Variants in OTOG observed in about 807,000 individuals in gnomAD.
OTOG encodes the protein otogelin.
In OTOG, 296 loss-of-function variants were observed where a neutral mutation model predicts 313.8. That is an observed-to-expected ratio of 0.94 (90% CI 0.86 to 1.04). OTOG has a LOEUF of 1.04. Ranked by LOEUF, OTOG falls within the 50% of genes least tolerant of loss-of-function variation. The pLI, the probability that OTOG is intolerant of heterozygous loss-of-function variation, is 0.00. For synonymous variants in OTOG, 1,533 were observed against 1,554.9 expected (o/e 0.99, Z 0.33); for missense variants, 3,948 against 3,840.1 (o/e 1.03, Z -0.74).
intron 3 of OTOG, among the ~76,000 whole-genome samples, chr11:17,549,229 C>G (rs1851880131): frequency 6.6e-6 from 1 of 152,188 alleles, no homozygotes; most frequent in African/African-American, 2.4e-5. Context: ...GCAGCTAGGT[C>G]CCCCAAAGCA....
intron 19 of OTOG, 62 bp from the exon 20 acceptor site, chr11:17,574,658 C>T: frequency 6.9e-7 from 1 of 1,444,484 alleles, no homozygotes; most frequent in Non-Finnish European, 9.4e-7. Flanking sequence ...AATGACAGCC[C>T]CACTCCACAT....
At chr11:17,601,928 G>A (rs1026071425) in intron 31 of OTOG, among the ~76,000 whole-genome samples, 7 of 152,300 alleles carry the variant, frequency 4.6e-5, no homozygotes, top group African/African-American at 7.2e-5. Flanking sequence ...ACAATGGGGG[G>A]CCCAGGTGCT....
In OTOG at chr11:17,625,768, G is replaced by A. The variant is rs769384454; in HGVS notation, c.6529-3365G>A. Among the ~76,000 whole-genome samples the A allele has an allele frequency of 5.9e-5, 9 of 152,048 alleles. 1 individual carries two copies. The highest frequency in any genetic ancestry group is 6.6e-5 in the Admixed American group (1 of 15,264). ...CTATGGGTTGTCTCTTCACTTTGTCGATTGTTTCCTTTGCTGTGCAGAAGC... is the reference window on the plus strand; with the variant it reads ...CTATGGGTTGTCTCTTCACTTTGTCAATTGTTTCCTTTGCTGTGCAGAAGC... On this transcript the variant is annotated intron_variant, in intron 39 of 55. Coordinates refer to ENST00000399397, the MANE Select transcript of OTOG (RefSeq NM_001292063.2).
At chr11:17,638,598 T>C in intron 48 of OTOG, 49 bp downstream of exon 48, 1 of 1,528,348 alleles carries the variant, frequency 6.5e-7, no homozygotes, top group Non-Finnish European at 8.9e-7. Flanking sequence ...CCAGTGGCCC[T>C]GCTGAGGAGG....
At chr11:17,580,011 C>G (rs757444057) in intron 23 of OTOG, among the ~76,000 whole-genome samples, 1 of 152,208 alleles carries the variant, frequency 6.6e-6, no homozygotes, top group African/African-American at 2.4e-5. Flanking sequence ...CTGGAACATC[C>G]TCTTGCTGGG....
intron 6 of OTOG, among the ~76,000 whole-genome samples, chr11:17,553,794 C>T (rs747519933): frequency 6.6e-5 from 10 of 152,200 alleles, no homozygotes; most frequent in Admixed American, 1.3e-4. Context: ...GGTCTGGTGG[C>T]GGGAGGCCCT....
At chr11:17,599,612 G>A in intron 30 of OTOG, 59 bp from the exon 31 acceptor site, 1 of 1,538,028 alleles carries the variant, frequency 6.5e-7, no homozygotes, top group Non-Finnish European at 8.8e-7. Context: ...CCTTGGCTCT[G>A]TCTGTCTGTT....
intron 54 of OTOG, among the ~76,000 whole-genome samples, chr11:17,643,952 G>A (rs911653948): frequency 5.9e-5 from 9 of 152,210 alleles, no homozygotes; most frequent in East Asian, 1.9e-4. Flanking sequence ...TCTCCTCCAC[G>A]GGTTAGTGTC....
intron 54 of OTOG, 39 bp downstream of exon 54, chr11:17,643,545 T>C: frequency 1.7e-6 from 2 of 1,194,736 alleles, no homozygotes; most frequent in Non-Finnish European, 2.2e-6. Flanking sequence ...TGGGGGGCTC[T>C]GATGGGGGCA....
At chr11:17,596,012 T>C (rs570415168) in intron 28 of OTOG, 26 bp from the exon 29 acceptor site, 133 of 1,505,992 alleles carry the variant, frequency 8.8e-5, no homozygotes, top group Admixed American at 2.0e-4. Flanking sequence ...AGTAGGGAGG[T>C]CAACAGCCCT....
chr11:17,618,788 T>C (rs896677047), intron 39 of OTOG, among the ~76,000 whole-genome samples: 3 of 152,232 alleles, frequency 2.0e-5, no homozygotes, highest in Non-Finnish European at 2.9e-5. Flanking sequence ...AACTCTTTTA[T>C]TCTTAGGAAA....
At chr11:17,580,463 G>T (rs1565102070) in intron 23 of OTOG, among the ~76,000 whole-genome samples, 1 of 152,210 alleles carries the variant, frequency 6.6e-6, no homozygotes, top group South Asian at 2.1e-4. Flanking sequence ...TCCCCTACAA[G>T]GTAAAGAGAG....
chr11:17,627,294 T>G (rs1854006718), intron 39 of OTOG, among the ~76,000 whole-genome samples: 1 of 145,242 alleles, frequency 6.9e-6, no homozygotes, highest in African/African-American at 2.7e-5. Context: ...TATGTTCCTT[T>G]TATACTCATT....
intron 47 of OTOG, 63 bp downstream of exon 47, chr11:17,635,774 C>T (rs1854251027): frequency 1.5e-6 from 2 of 1,366,362 alleles, no homozygotes; most frequent in Non-Finnish European, 2.0e-6. Flanking sequence ...GAGTTCCCAC[C>T]CCGGACCAAT....
intron 13 of OTOG, 35 bp from the exon 14 acceptor site, chr11:17,561,056 G>A (rs1216714250): frequency 6.5e-7 from 1 of 1,550,014 alleles, no homozygotes; most frequent in Admixed American, 2.0e-5. Flanking sequence ...GGCCTGGAGG[G>A]GTGACCTCTT....
intron 15 of OTOG, among the ~76,000 whole-genome samples, chr11:17,567,669 C>A (rs1468560480): frequency 6.6e-6 from 1 of 152,162 alleles, no homozygotes; most frequent in Non-Finnish European, 1.5e-5. Flanking sequence ...AACCACTTTG[C>A]CTGATGGGTT....
chr11:17,634,217 G>A lies in OTOG; in HGVS notation c.7416G>A (p.Leu2472=). 1 of 1,550,532 alleles carries A rather than the reference G, an allele frequency of 6.4e-7. No individual in the cohort carries two copies. The highest frequency in any genetic ancestry group is 8.7e-7 in the Non-Finnish European group (1 of 1,146,956). The change falls in exon 44 of 56, where the codon CTG becomes CTA. Residue 2472 remains leucine, a synonymous_variant. Coordinates refer to ENST00000399397, the MANE Select transcript of OTOG (RefSeq NM_001292063.2). The part of the protein sequence containing the change: ...GCPSPRPESC[L]RFGEVALLLP... The stretch of plus-strand genomic sequence containing the variant: ...CCAGTCCCCGCCCTGAGAGCTGCCT[G>A]CGATTCGGGGAGGTGGCCTTGCTCC...
chr11:17,584,530 A>G (rs958777106), intron 23 of OTOG, among the ~76,000 whole-genome samples: 6 of 145,694 alleles, frequency 4.1e-5, no homozygotes, highest in African/African-American at 1.5e-4. Context: ...TTGTCATTTG[A>G]TTTTTTTTTT....
chr11:17,568,142 C>A (rs563024469), intron 15 of OTOG, among the ~76,000 whole-genome samples: 1 of 152,208 alleles, frequency 6.6e-6, no homozygotes, highest in Admixed American at 6.5e-5. Context: ...CTCCTGACCT[C>A]GTGATCCGCC....
Sources: gnomAD v4.1 joint callset for allele counts (sites outside exome capture counted in the v4.1 genomes callset) on GRCh38, gnomAD v4.1.1 for gene constraint, MANE v1.5 for transcripts, NCBI Gene and HGNC (gene_info 2026-07-23, HGNC 2026-07-21) for gene names.